The following CDH4 variants were observed in gnomAD, a reference collection of about 807,000 sequenced individuals.
CDH4 encodes the protein cadherin 4.
A neutral mutation model predicts 86.0 loss-of-function variants in CDH4; 33 were observed. The observed-to-expected ratio is 0.38, with a 90% CI of 0.29 to 0.51. The LOEUF (loss-of-function observed/expected upper bound fraction) is 0.51, where lower values mean the gene tolerates loss of function less well. CDH4 is among the 20% of genes least tolerant of loss of function. The probability of loss-of-function intolerance (pLI) is 0.86; values close to 1 mark genes in which losing one functional copy is unlikely to be tolerated. For synonymous variants in CDH4, 555 were observed against 549.4 expected (o/e 1.01, Z -0.14); for missense variants, 1,114 against 1,307.4 (o/e 0.85, Z 2.28).
At chr20:61,500,850 G>C (rs996994558) in intron 2 of CDH4, among the ~76,000 whole-genome samples, 1 of 152,204 alleles carries the variant, frequency 6.6e-6, no homozygotes, top group African/African-American at 2.4e-5. Context: ...CTGGCACTGG[G>C]ACATCCAGCC....
intron 2 of CDH4, among the ~76,000 whole-genome samples, chr20:61,508,143 A>T (rs1385075848): frequency 6.6e-6 from 1 of 152,224 alleles, no homozygotes. Context: ...GTGTTTGGTC[A>T]ATCAGTCAGT....
intron 2 of CDH4, among the ~76,000 whole-genome samples, chr20:61,660,128 G>A (rs866433741): frequency 1.6e-4 from 24 of 152,266 alleles, no homozygotes; most frequent in African/African-American, 5.5e-4. Context: ...GGCTGCGGCC[G>A]GCTGAGCCTT....
chr20:61,604,920 CA>C (rs11475862), intron 2 of CDH4, among the ~76,000 whole-genome samples: 98,679 of 151,836 alleles, frequency 0.65, 32,989 homozygotes, highest in East Asian at 0.78. Flanking sequence ...CCTGGAAGGA[CA>C]GGTTCCTGCT....
At chr20:61,726,919 A>G (rs117858448) in intron 2 of CDH4, among the ~76,000 whole-genome samples, 10,951 of 151,884 alleles carry the variant, frequency 0.072, 918 homozygotes, top group East Asian at 0.39. Context: ...TGAGATCATC[A>G]TCAACATTGC....
intron 2 of CDH4, among the ~76,000 whole-genome samples, chr20:61,419,943 A>G (rs1287587400): frequency 6.6e-6 from 1 of 152,216 alleles, no homozygotes; most frequent in Non-Finnish European, 1.5e-5. Context: ...GCTTCATGAA[A>G]AGCACCCAGC....
chr20:61,413,228 G>A (rs1255380965), intron 2 of CDH4, among the ~76,000 whole-genome samples: 3 of 149,712 alleles, frequency 2.0e-5, no homozygotes, highest in Admixed American at 1.3e-4. Context: ...TCCCTGCCTG[G>A]GTGGCCTCCT....
At position 61,939,927 on chromosome 20, in the gene CDH4, A is replaced by G. The variant is rs950581976; in HGVS notation, c.*2984A>G. The G allele has an allele frequency of 2.6e-5, 4 of 152,242 alleles. No homozygotes were observed. The highest frequency in any genetic ancestry group is 7.2e-5 in the African/African-American group (3 of 41,466). 9.4% of individuals were successfully genotyped at this position (152,242 alleles called of 1,614,324 possible). A position where few individuals can be genotyped will look rare whatever the true frequency, so the allele number is the denominator to read the frequency against. On this transcript the variant is annotated 3_prime_UTR_variant, in exon 16 of 16. Transcript: ENST00000614565. The stretch of plus-strand genomic sequence containing the variant: ...CAAAATGCTAGGCCTCCTGCCACCA[A>G]CGTGTCAGAGCAATGTCCAACTGTC...
chr20:61,914,355 G>A (rs1600767231), intron 9 of CDH4, among the ~76,000 whole-genome samples: 2 of 152,172 alleles, frequency 1.3e-5, no homozygotes, highest in African/African-American at 4.8e-5. Context: ...TTGCCTACCC[G>A]GCCCCCGCTT....
At chr20:61,455,322 G>A (rs1226037720) in intron 2 of CDH4, among the ~76,000 whole-genome samples, 1 of 152,212 alleles carries the variant, frequency 6.6e-6, no homozygotes, top group Non-Finnish European at 1.5e-5. Context: ...ACCTCTGTGA[G>A]GGTGACAACT....
intron 2 of CDH4, among the ~76,000 whole-genome samples, chr20:61,375,922 GTGC>G (rs2084867386): frequency 2.9e-5 from 3 of 103,796 alleles, no homozygotes; most frequent in Non-Finnish European, 4.2e-5. Context: ...GATGGTCTTG[GTGC>G]TGGTGATGAT....
chr20:61,692,073 G>A (rs146177138), intron 2 of CDH4, among the ~76,000 whole-genome samples: 11 of 152,162 alleles, frequency 7.2e-5, no homozygotes, highest in Non-Finnish European at 1.5e-4. Flanking sequence ...GTCCAATGAG[G>A]GGTAAAGATG....
At chr20:61,806,717 CA>C (rs1169233817) in intron 4 of CDH4, among the ~76,000 whole-genome samples, 5 of 152,166 alleles carry the variant, frequency 3.3e-5, no homozygotes, top group African/African-American at 9.7e-5. Context: ...AGTGAGGACA[CA>C]GGAGGAAACC....
intron 6 of CDH4, among the ~76,000 whole-genome samples, chr20:61,869,714 GC>G (rs1268263310): frequency 6.6e-6 from 1 of 152,186 alleles, no homozygotes; most frequent in African/African-American, 2.4e-5. Context: ...CTCCAAGGGG[GC>G]TTAGTCCTCC....
intron 2 of CDH4, among the ~76,000 whole-genome samples, chr20:61,534,830 G>A (rs1233392154): frequency 1.6e-5 from 2 of 124,392 alleles, no homozygotes; most frequent in East Asian, 3.6e-4. Flanking sequence ...TTGCTGGGAC[G>A]CTCCTTTGGA....
intron 4 of CDH4, among the ~76,000 whole-genome samples, chr20:61,839,214 G>A (rs747961217): frequency 6.6e-6 from 1 of 152,190 alleles, no homozygotes; most frequent in Admixed American, 6.5e-5. Context: ...CTTGATGAGT[G>A]GCAGGCAAGG....
chr20:61,734,746 A>G (rs926188757), intron 2 of CDH4, among the ~76,000 whole-genome samples: 1 of 150,282 alleles, frequency 6.7e-6, no homozygotes, highest in Non-Finnish European at 1.5e-5. Context: ...AGCTCTGGAG[A>G]CTGAGCTCAG....
At chr20:61,899,892 G>A (rs1457331049) in intron 8 of CDH4, among the ~76,000 whole-genome samples, 1 of 152,206 alleles carries the variant, frequency 6.6e-6, no homozygotes. Flanking sequence ...TCTCAAAGGG[G>A]TTAAAAATGG....
At chr20:61,458,954 C>CTTTTTTTTTTTTTT (rs201562406) in intron 2 of CDH4, among the ~76,000 whole-genome samples, 1 of 142,974 alleles carries the variant, frequency 7.0e-6, no homozygotes, top group Non-Finnish European at 1.5e-5. Flanking sequence ...GCTATCCCCA[C>CTTTTTTTTTTTTTT]TTTTTTTTTT....
intron 6 of CDH4, among the ~76,000 whole-genome samples, chr20:61,857,094 G>A (rs1475994067): frequency 6.6e-6 from 1 of 152,252 alleles, no homozygotes; most frequent in Admixed American, 6.5e-5. Context: ...AAGTCCCAAG[G>A]CAGGTTCTCG....
Sources: gnomAD v4.1 joint callset for allele counts (sites outside exome capture counted in the v4.1 genomes callset) on GRCh38, gnomAD v4.1.1 for gene constraint, MANE v1.5 for transcripts, NCBI Gene and HGNC (gene_info 2026-07-23, HGNC 2026-07-21) for gene names.